The following RBFOX1 variants were observed in gnomAD, a reference collection of about 807,000 sequenced individuals.
RBFOX1 encodes RNA binding fox-1 homolog 1.
In RBFOX1, 8 loss-of-function variants were observed where a neutral mutation model predicts 57.7. The ratio of observed to expected loss-of-function variants is 0.14; its 90% CI spans 0.08 to 0.25. RBFOX1 has a LOEUF of 0.25. RBFOX1 is among the 10% of genes least tolerant of loss of function. The pLI, the probability that RBFOX1 is intolerant of heterozygous loss-of-function variation, is 1.00. For synonymous variants in RBFOX1, 326 were observed against 222.4 expected (o/e 1.47, Z -4.15); for missense variants, 611 against 548.5 (o/e 1.11, Z -1.14).
At chr16:7,675,621 A>T (rs2073049280) in intron 13 of RBFOX1, among the ~76,000 whole-genome samples, 1 of 152,214 alleles carries the variant, frequency 6.6e-6, no homozygotes, top group Non-Finnish European at 1.5e-5. Context: ...ATCTTGAAAG[A>T]GGCTTTTTGT....
chr16:6,864,067 G>T (rs1056612410), intron 3 of RBFOX1, among the ~76,000 whole-genome samples: 1 of 148,914 alleles, frequency 6.7e-6, no homozygotes, highest in Non-Finnish European at 1.5e-5. Context: ...ACCTTCTTCA[G>T]ACTACAGGGA....
At chr16:7,637,742 A>G (rs1452911143) in intron 11 of RBFOX1, among the ~76,000 whole-genome samples, 3 of 152,068 alleles carry the variant, frequency 2.0e-5, no homozygotes, top group East Asian at 1.9e-4. Flanking sequence ...TTCCTCCTAG[A>G]TATTTTTCTA....
At chr16:6,132,363 G>A (rs1053717794) in intron 1 of RBFOX1, among the ~76,000 whole-genome samples, 6 of 152,198 alleles carry the variant, frequency 3.9e-5, no homozygotes, top group African/African-American at 1.4e-4. Flanking sequence ...GCGAATGCAT[G>A]ATGCAGTTAC....
chr16:6,336,526 C>T (rs2083779990), intron 2 of RBFOX1, among the ~76,000 whole-genome samples: 1 of 152,056 alleles, frequency 6.6e-6, no homozygotes. Context: ...TCATGATGTG[C>T]TGTAGAGAGG....
intron 4 of RBFOX1, among the ~76,000 whole-genome samples, chr16:6,008,277 A>G (rs1244058665): frequency 2.1e-5 from 3 of 146,234 alleles, no homozygotes; most frequent in Non-Finnish European, 3.0e-5. Flanking sequence ...GGAGCAGTTC[A>G]GAAGCAGGAA....
At chr16:5,424,935 C>CTTCCTTTCTTTGTTTCTT (rs1421644138) in intron 1 of RBFOX1, among the ~76,000 whole-genome samples, 1 of 63,930 alleles carries the variant, frequency 1.6e-5, no homozygotes, top group Admixed American at 1.9e-4. Flanking sequence ...TTCTTTCTTT[C>CTTCCTTTCTTTGTTTCTT]TCTCTCTTCT....
chr16:7,485,092 GAC>G (rs889513318), intron 4 of RBFOX1, among the ~76,000 whole-genome samples: 13 of 150,488 alleles, frequency 8.6e-5, no homozygotes, highest in African/African-American at 3.2e-4. Context: ...CAGAGGACTT[GAC>G]TTAGATAAAG....
chr16:7,595,294 T>G (rs2094628883), intron 7 of RBFOX1, among the ~76,000 whole-genome samples: 1 of 152,232 alleles, frequency 6.6e-6, no homozygotes, highest in African/African-American at 2.4e-5. Context: ...GTAGTGACAT[T>G]TAGAAAGGTA....
At chr16:6,544,666 T>C (rs1489240817) in intron 2 of RBFOX1, among the ~76,000 whole-genome samples, 2 of 152,236 alleles carry the variant, frequency 1.3e-5, no homozygotes, top group Non-Finnish European at 2.9e-5. Context: ...TTTCGCTGAC[T>C]GCGTATCCAC....
At chr16:7,459,584 T>C (rs981596747) in intron 4 of RBFOX1, among the ~76,000 whole-genome samples, 11 of 152,204 alleles carry the variant, frequency 7.2e-5, no homozygotes, top group Admixed American at 1.3e-4. Context: ...GTTACAGATA[T>C]TGCAGCCATT....
intron 3 of RBFOX1, among the ~76,000 whole-genome samples, chr16:6,977,771 A>G (rs905744832): frequency 3.9e-5 from 6 of 152,026 alleles, no homozygotes; most frequent in East Asian, 3.9e-4. Context: ...AAAGAAAGAA[A>G]AAGAAAGTCA....
intron 1 of RBFOX1, among the ~76,000 whole-genome samples, chr16:5,404,401 C>T (rs74007404): frequency 0.029 from 4,463 of 152,180 alleles, 174 homozygotes; most frequent in African/African-American, 0.083. Context: ...GGAGGAGGAG[C>T]TCTGTCTTTG....
rs576396883 is a variant in RBFOX1, at chr16:5,613,815, T to C, written c.318+14854T>C. Among the ~76,000 whole-genome samples the C allele has an allele frequency of 1.6e-4, 24 of 151,998 alleles. No homozygotes were observed. The East Asian group carries it at 4.5e-3, about 28-fold the overall frequency. ...TCAAGGTAGATGGGGTTTTTTTTTT[T>C]CTTCCCCAGCCAGCATCCGAAGACT... On this transcript the variant is annotated intron_variant, in intron 3 of 19. Transcript: ENST00000641259.
At chr16:6,789,401 T>C (rs1461380013) in intron 3 of RBFOX1, among the ~76,000 whole-genome samples, 4 of 152,120 alleles carry the variant, frequency 2.6e-5, no homozygotes, top group Admixed American at 6.6e-5. Context: ...TTAATATCAA[T>C]TTTATAATTT....
intron 3 of RBFOX1, among the ~76,000 whole-genome samples, chr16:6,901,953 C>T (rs963398169): frequency 6.6e-6 from 1 of 152,052 alleles, no homozygotes; most frequent in Non-Finnish European, 1.5e-5. Context: ...AGAAAAATGG[C>T]ACCTTCAGAA....
chr16:6,774,535 A>C (rs1395447729), intron 3 of RBFOX1, among the ~76,000 whole-genome samples: 1 of 152,186 alleles, frequency 6.6e-6, no homozygotes, highest in East Asian at 1.9e-4. Context: ...TGTTCAGAGA[A>C]TTATATTTAA....
At chr16:7,591,051 C>T (rs527812832) in intron 7 of RBFOX1, among the ~76,000 whole-genome samples, 100 of 151,856 alleles carry the variant, frequency 6.6e-4, no homozygotes, top group African/African-American at 2.3e-3. Flanking sequence ...TGCTGTTCTG[C>T]GGTGATGGGA....
chr16:6,951,388 G>A (rs2080732320), intron 3 of RBFOX1, among the ~76,000 whole-genome samples: 1 of 152,146 alleles, frequency 6.6e-6, no homozygotes, highest in African/African-American at 2.4e-5. Flanking sequence ...TAGTATAATG[G>A]CTTAAAACAA....
At chr16:7,083,612 A>G (rs1356033891) in intron 4 of RBFOX1, among the ~76,000 whole-genome samples, 1 of 152,140 alleles carries the variant, frequency 6.6e-6, no homozygotes. Flanking sequence ...CAGATGCACA[A>G]GAAACAACTT....
Sources: gnomAD v4.1 joint callset for allele counts (sites outside exome capture counted in the v4.1 genomes callset) on GRCh38, gnomAD v4.1.1 for gene constraint, MANE v1.5 for transcripts, NCBI Gene and HGNC (gene_info 2026-07-23, HGNC 2026-07-21) for gene names.